GPC5: variants seen among roughly 807,000 people sequenced by gnomAD.
GPC5 encodes glypican-5.
A neutral mutation model predicts 53.9 loss-of-function variants in GPC5; 47 were observed. The observed-to-expected ratio is 0.87, with a 90% confidence interval of 0.69 to 1.11. The LOEUF is 1.11. Among genes scored for constraint, GPC5 ranks in the 50% most tolerant of loss-of-function variants. The pLI, the probability that GPC5 is intolerant of heterozygous loss-of-function variation, is 0.00. For synonymous variants in GPC5, 286 were observed against 263.3 expected, an observed-to-expected ratio of 1.09 and a Z score of -0.84; for missense variants, 748 against 713.1, an observed-to-expected ratio of 1.05 and a Z score of -0.56.
At chr13:91,637,290 T>G (rs1270459047) in intron 2 of GPC5, among the ~76,000 whole-genome samples, 1 of 152,212 alleles carries the variant, frequency 6.6e-6, no homozygotes, top group East Asian at 1.9e-4. Context: ...TGAAGTGTAC[T>G]TACATTATTT....
Position 92,383,407 on chromosome 13 carries a change from T to C in GPC5, c.1561+238418T>C, listed in dbSNP as rs562239448. ...GACCTCTAATACATTTGTCTTGTCTTTAGTGCTGTTGTTCACATAATTGTA... is the reference window on the plus strand; with the variant it reads ...GACCTCTAATACATTTGTCTTGTCTCTAGTGCTGTTGTTCACATAATTGTA... On this transcript the variant is annotated intron_variant, in intron 7 of 7. Coordinates refer to ENST00000377067, the MANE Select transcript of GPC5 (RefSeq NM_004466.6). 3.5e-4 allele frequency among the ~76,000 whole-genome samples: 54 copies of C among 152,320 alleles called. 1 individual carries two copies. Among genetic ancestry groups the C allele is most frequent in the African/African-American group, 1.3e-3 (53 of 41,580 alleles).
chr13:91,549,388 A>G (rs1454408846), intron 2 of GPC5, among the ~76,000 whole-genome samples: 1 of 152,200 alleles, frequency 6.6e-6, no homozygotes, highest in Non-Finnish European at 1.5e-5. Flanking sequence ...TATGAAAAAC[A>G]TAACTGATAA....
chr13:91,427,476 C>A (rs1372322485), intron 1 of GPC5, among the ~76,000 whole-genome samples: 1 of 152,166 alleles, frequency 6.6e-6, no homozygotes, highest in Non-Finnish European at 1.5e-5. Flanking sequence ...TGTATGGGGC[C>A]AGTAACCTCT....
intron 5 of GPC5, among the ~76,000 whole-genome samples, chr13:91,866,733 A>G (rs763852644): frequency 6.6e-6 from 1 of 152,232 alleles, no homozygotes; most frequent in Non-Finnish European, 1.5e-5. Flanking sequence ...TAATATAGTC[A>G]GTTTTGACAT....
intron 7 of GPC5, among the ~76,000 whole-genome samples, chr13:92,561,182 A>G (rs1285342724): frequency 6.6e-6 from 1 of 151,818 alleles, no homozygotes; most frequent in African/African-American, 2.4e-5. Flanking sequence ...GTATTTTTCA[A>G]CCTACCCAAA....
At chr13:91,471,668 C>T (rs1279365022) in intron 2 of GPC5, among the ~76,000 whole-genome samples, 2 of 152,166 alleles carry the variant, frequency 1.3e-5, no homozygotes, top group Non-Finnish European at 2.9e-5. Flanking sequence ...ACTGTCTCAA[C>T]ACCACTTTGT....
intron 5 of GPC5, among the ~76,000 whole-genome samples, chr13:91,826,011 G>A (rs180671029): frequency 7.9e-5 from 12 of 152,144 alleles, no homozygotes; most frequent in East Asian, 3.9e-4. Context: ...GAGACAGATC[G>A]TGAAGTTAGT....
chr13:91,979,570 T>A (rs1391245468), intron 6 of GPC5, among the ~76,000 whole-genome samples: 1 of 152,206 alleles, frequency 6.6e-6, no homozygotes, highest in Non-Finnish European at 1.5e-5. Flanking sequence ...ATGGGTGTAA[T>A]GTTTTCTGGT....
In GPC5 at chr13:92,068,436, C is replaced by T. The variant is rs114976814; in HGVS notation, c.1402-76394C>T. On this transcript the variant is annotated intron_variant, in intron 6 of 7. Coordinates refer to ENST00000377067, the MANE Select transcript of GPC5 (RefSeq NM_004466.6). The stretch of plus-strand genomic sequence containing the variant: ...CTAATATTTTAGTTTAGATTTTCTA[C>T]GTATGCAATAATGTCATTAGCAAAT... 4.2e-3 allele frequency among the ~76,000 whole-genome samples: 644 copies of T among 151,692 alleles called. 10 individuals carry two copies. Among genetic ancestry groups the T allele is most frequent in the African/African-American group, 0.015 (609 of 41,488 alleles).
intron 7 of GPC5, among the ~76,000 whole-genome samples, chr13:92,395,705 T>G (rs1268148203): frequency 1.3e-5 from 2 of 152,116 alleles, no homozygotes; most frequent in Non-Finnish European, 2.9e-5. Context: ...GGCTGGTTTG[T>G]GTGGGTTTTT....
rs971474743 is a variant in GPC5, at chr13:91,846,948, G to A, written c.1281-60989G>A. Among the ~76,000 whole-genome samples the A allele has an allele frequency of 3.9e-5, 6 of 151,992 alleles. No individual in the cohort carries two copies. The South Asian group carries it at 6.2e-4, about 16-fold the overall frequency. On this transcript the variant is annotated intron_variant, in intron 5 of 7. Transcript: ENST00000377067. ...ACTGAAATGGGTGCGGGCTGGGCAC[G>A]GTGGCTCACTCCTGTAATCCCAGCA...
intron 7 of GPC5, among the ~76,000 whole-genome samples, chr13:92,790,775 A>G (rs1223865690): frequency 6.6e-6 from 1 of 152,130 alleles, no homozygotes; most frequent in Non-Finnish European, 1.5e-5. Flanking sequence ...GCCTTGTTTA[A>G]TGACTCTAAA....
At chr13:92,860,167 C>T (rs952875373) in intron 7 of GPC5, among the ~76,000 whole-genome samples, 5 of 152,014 alleles carry the variant, frequency 3.3e-5, no homozygotes, top group Admixed American at 3.3e-4. Flanking sequence ...TGGATAACTC[C>T]ATTATTTTTA....
chr13:92,526,917 C>T (rs116924233), intron 7 of GPC5, among the ~76,000 whole-genome samples: 3,112 of 150,762 alleles, frequency 0.021, 48 homozygotes, highest in Non-Finnish European at 0.032. Context: ...GTGCTTGTGA[C>T]GGAGATGCAA....
intron 7 of GPC5, chr13:92,340,663 A>G (rs2043358646): frequency 6.6e-6 from 1 of 152,060 alleles, no homozygotes; most frequent in South Asian, 2.1e-4. Flanking sequence ...TTTTTCTTTG[A>G]TTTTTGAAAG....
chr13:91,837,220 A>G lies in GPC5; in HGVS notation c.1281-70717A>G, dbSNP rs117783193. On this transcript the variant is annotated intron_variant, in intron 5 of 7. Transcript: ENST00000377067. The stretch of plus-strand genomic sequence containing the variant: ...TTACTATTAGAAATCCCTATTTTTA[A>G]TTTTCTTTTATTAAAAATTTTTGAG... Among the ~76,000 whole-genome samples, 760 of 151,894 alleles carry G rather than the reference A, an allele frequency of 5.0e-3. 3 individuals are homozygous for G. Among genetic ancestry groups the G allele is most frequent in the Non-Finnish European group, 8.1e-3 (551 of 67,930 alleles).
intron 6 of GPC5, among the ~76,000 whole-genome samples, chr13:91,978,036 C>G (rs1010590086): frequency 1.3e-5 from 2 of 151,654 alleles, no homozygotes; most frequent in African/African-American, 4.8e-5. Flanking sequence ...ACTTGTAGTC[C>G]CAGCTACAGA....
chr13:91,755,113 A>G (rs558803270), intron 4 of GPC5, among the ~76,000 whole-genome samples: 2 of 152,240 alleles, frequency 1.3e-5, no homozygotes, highest in East Asian at 3.9e-4. Context: ...ATAGCAAGAT[A>G]TCATCTCTAA....
chr13:91,945,190 G>C (rs1188772915), intron 6 of GPC5, among the ~76,000 whole-genome samples: 3 of 152,062 alleles, frequency 2.0e-5, no homozygotes, highest in Admixed American at 1.3e-4. Context: ...ACAGGGGAAG[G>C]GATTCATTGC....
Sources: gnomAD v4.1 joint callset for allele counts (sites outside exome capture counted in the v4.1 genomes callset) on GRCh38, gnomAD v4.1.1 for gene constraint, MANE v1.5 for transcripts, NCBI Gene and HGNC (gene_info 2026-07-23, HGNC 2026-07-21) for gene names.